B4GALNT4: variants seen among roughly 807,000 people sequenced by gnomAD.
The protein encoded by B4GALNT4 is N-acetyl-beta-glucosaminyl-glycoprotein 4-beta-N-acetylgalactosaminyltransferase 1.
A neutral mutation model predicts 110.0 loss-of-function variants in B4GALNT4; 77 were observed. The ratio of observed to expected loss-of-function variants is 0.70; its 90% confidence interval spans 0.58 to 0.85. The LOEUF (loss-of-function observed/expected upper bound fraction) is 0.85. B4GALNT4 is among the 40% of genes least tolerant of loss of function. The pLI is 0.00. For synonymous variants in B4GALNT4, 785 were observed against 655.5 expected, an observed-to-expected ratio of 1.20 and a Z score of -3.02; for missense variants, 1,575 against 1,506.0, an observed-to-expected ratio of 1.05 and a Z score of -0.76.
rs757140063 is a variant in B4GALNT4 at position 373,410 on chromosome 11, C to CA, written c.637-39_637-38insA. 4.6e-5 allele frequency: 19 copies of CA among 409,482 alleles called. No homozygotes were observed. The African/African-American group carries it at 7.5e-4, about 16-fold the overall frequency. The allele number at this position is 409,482 out of a possible 1,614,324, so 25.4% of individuals were successfully genotyped here. On this transcript the variant is annotated intron_variant, in intron 6 of 19. Transcript: ENST00000329962. ...TGGTGTCCCCAGGGAGAGAGTGAACCCCCCCCCCCACCACCACCCCTGCTC... is the reference window on the plus strand; with the variant it reads ...TGGTGTCCCCAGGGAGAGAGTGAACCACCCCCCCCCACCACCACCCCTGCTC...
rs997353766 is a variant in B4GALNT4, at chr11:381,095, C to T, written c.2996+144C>T. On this transcript the variant is annotated intron_variant, in intron 19 of 19. Coordinates refer to ENST00000329962, the MANE Select transcript of B4GALNT4 (RefSeq NM_178537.5). ...CCCGGTCTTCCCAGTATCCTGTAGGCCTGGAGAGACTCCTCCACCCACATC... is the reference window on the plus strand; with the variant it reads ...CCCGGTCTTCCCAGTATCCTGTAGGTCTGGAGAGACTCCTCCACCCACATC... 6.2e-6 allele frequency: 9 copies of T among 1,453,858 alleles called. No individual in the cohort carries two copies. In the Admixed American group the frequency reaches 1.8e-4, roughly 29 times the overall value. 90.1% of individuals were successfully genotyped at this position (1,453,858 alleles called of 1,614,324 possible). A position where few individuals can be genotyped will look rare whatever the true frequency, so the allele number is the denominator to read the frequency against.
intron 2 of B4GALNT4, 67 bp from the exon 3 acceptor site, chr11:372,595 G>C: frequency 7.6e-7 from 1 of 1,316,990 alleles, no homozygotes; most frequent in South Asian, 1.2e-5. Flanking sequence ...GTGAAGGTTT[G>C]TCTTGGTGTG....
chr11:380,699 C>T (rs1265710428), intron 18 of B4GALNT4, 126 bp from the exon 19 acceptor site: 1 of 1,491,102 alleles, frequency 6.7e-7, no homozygotes, highest in African/African-American at 1.4e-5. Context: ...CCGGACGACT[C>T]CCGGAAGCCC....
Position 379,915 on chromosome 11 carries a change from G to A in B4GALNT4, c.2538G>A (p.Ala846=), listed in dbSNP as rs1449806397. 2 of 1,609,994 alleles carry A rather than the reference G, an allele frequency of 1.2e-6. No individual in the cohort carries two copies. Among genetic ancestry groups the A allele is most frequent in the East Asian group, 2.2e-5 (1 of 44,886 alleles). The change falls in exon 16 of 20, where the codon GCG becomes GCA. Residue 846 remains alanine (A), a synonymous_variant. Coordinates refer to ENST00000329962, the MANE Select transcript of B4GALNT4 (RefSeq NM_178537.5). ...CACAGTTCCTGGCGGACATGGCTGC[G>A]CTGCACGCGCGCACCGGGGACTCGC... ...WVAQFLADMA[A]LHARTGDSRF...
chr11:381,941 G>C lies in B4GALNT4; in HGVS notation c.*149G>C. On this transcript the variant is annotated 3_prime_UTR_variant, in exon 20 of 20. Transcript: ENST00000329962. ...GCCCCTCTCTGGCCCACTGGGCGTC[G>C]TGCCCCTCCCCGGAGAGGCAGCCTT... The C allele has an allele frequency of 1.0e-6, 1 of 974,934 alleles. No homozygotes were observed. Among genetic ancestry groups the C allele is most frequent in the Non-Finnish European group, 1.4e-6 (1 of 718,828 alleles). 60.4% of individuals were successfully genotyped at this position (974,934 alleles called of 1,614,324 possible).
Position 379,986 on chromosome 11 carries a change from T to G in B4GALNT4, c.2609T>G (p.Val870Gly). Reference sequence around the variant, plus strand: ...GATTTCGAGAGCGAGGATATGGACGTGGAGCGGGCCCTGCGCGCCGCGCGC... The same window carrying G: ...GATTTCGAGAGCGAGGATATGGACGGGGAGCGGGCCCTGCGCGCCGCGCGC... ...LVDFESEDMD[V>G]ERALRAARLP... Residue 870 changes from valine to glycine, a missense_variant, in exon 16 of 20, where the codon GTG (valine) becomes GGG (glycine). By Grantham distance (109) the Val-to-Gly change is moderately radical. Coordinates refer to ENST00000329962, the MANE Select transcript of B4GALNT4 (RefSeq NM_178537.5). The G allele has an allele frequency of 6.2e-7, 1 of 1,613,028 alleles. No individual in the cohort carries two copies. The highest frequency in any genetic ancestry group is 8.5e-7 in the Non-Finnish European group (1 of 1,179,832).
chr11:379,359 G>A lies in B4GALNT4; in HGVS notation c.2205-59G>A, dbSNP rs1590342815. ...AGTTTCTGTGGCCAGGGCGGACCAG[G>A]GTTGCGGGCGGGGTGCAGGCTGGAA... On this transcript the variant is annotated intron_variant, in intron 14 of 19. Coordinates refer to ENST00000329962, the MANE Select transcript of B4GALNT4 (RefSeq NM_178537.5). The A allele has an allele frequency of 1.4e-5, 20 of 1,418,974 alleles. No individual in the cohort carries two copies. In the East Asian group the frequency reaches 5.5e-4, roughly 39 times the overall value. 87.9% of individuals were successfully genotyped at this position (1,418,974 alleles called of 1,614,324 possible). A position where few individuals can be genotyped will look rare whatever the true frequency, so the allele number is the denominator to read the frequency against.
In B4GALNT4 at chr11:376,734, C is replaced by T. The variant is rs1846764262; in HGVS notation, c.1611C>T (p.Ser537=). Residue 537 remains serine (S), a synonymous_variant, in exon 14 of 20, where the codon TCC becomes TCT. Transcript: ENST00000329962. Reference sequence around the variant, plus strand: ...GGGTGCGGCCGGGACAGCGGGCATCCCCCCGGGCCCCAGCGCCGCGTGCGC... The same window carrying T: ...GGGTGCGGCCGGGACAGCGGGCATCTCCCCGGGCCCCAGCGCCGCGTGCGC... ...VTRVRPGQRA[S]PRAPAPRAPW... The T allele has an allele frequency of 1.4e-6, 2 of 1,392,714 alleles. No individual in the cohort carries two copies. Among genetic ancestry groups the T allele is most frequent in the Non-Finnish European group, 1.9e-6 (2 of 1,079,312 alleles). The allele number at this position is 1,392,714 out of a possible 1,614,324, so 86.3% of individuals were successfully genotyped here. A position where few individuals can be genotyped will look rare whatever the true frequency, so the allele number is the denominator to read the frequency against.
chr11:376,409 C>T lies in B4GALNT4; in HGVS notation c.1298-12C>T. On this transcript the variant is annotated splice_polypyrimidine_tract_variant and intron_variant, in intron 13 of 19. Transcript: ENST00000329962. Reference sequence around the variant, plus strand: ...ACCTGCGCAGGGAGCTTCTAACCCGCGTTTCCCGCAGACTTCCTGGACGAC... The same window carrying T: ...ACCTGCGCAGGGAGCTTCTAACCCGTGTTTCCCGCAGACTTCCTGGACGAC... The T allele has an allele frequency of 1.2e-6, 2 of 1,601,066 alleles. No homozygotes were observed. The highest frequency in any genetic ancestry group is 1.7e-6 in the Non-Finnish European group (2 of 1,178,054).
chr11:372,098 G>C lies in B4GALNT4; in HGVS notation c.152-11G>C. 1 of 1,547,650 alleles carries C rather than the reference G, an allele frequency of 6.5e-7. No individual in the cohort carries two copies. The highest frequency in any genetic ancestry group is 8.7e-7 in the Non-Finnish European group (1 of 1,145,748). On this transcript the variant is annotated splice_polypyrimidine_tract_variant and intron_variant, in intron 1 of 19. Transcript: ENST00000329962. Reference sequence around the variant, plus strand: ...CCTGGGCCCGAGACAGGCCTCATGTGCCACCTGCAGATGGTGAGAAGCTGA... The same window carrying C: ...CCTGGGCCCGAGACAGGCCTCATGTCCCACCTGCAGATGGTGAGAAGCTGA...
In B4GALNT4 at chr11:380,400, G is replaced by C. The variant is rs1329956412; in HGVS notation, c.2824G>C (p.Val942Leu). 6.2e-7 allele frequency: 1 copy of C among 1,612,396 alleles called. No individual in the cohort carries two copies. The highest frequency in any genetic ancestry group is 1.1e-5 in the South Asian group (1 of 91,014). Residue 942 changes from valine (V) to leucine (L), a missense_variant, in exon 18 of 20, where the codon GTG (valine) becomes CTG (leucine). By Grantham distance (32) the Val-to-Leu change is conservative (BLOSUM62 1). Coordinates refer to ENST00000329962, the MANE Select transcript of B4GALNT4 (RefSeq NM_178537.5). ...GGAGGGCAGGCTGGCCTTCGCGCCCGTGGTCATGCGCCTGAGCTGCGGGAG... is the reference window on the plus strand; with the variant it reads ...GGAGGGCAGGCTGGCCTTCGCGCCCCTGGTCATGCGCCTGAGCTGCGGGAG... The part of the protein sequence containing the change: ...CVEGRLAFAP[V>L]VMRLSCGSSP...
At chr11:373,339 G>A in intron 6 of B4GALNT4, 48 bp downstream of exon 6, 1 of 1,587,532 alleles carries the variant, frequency 6.3e-7, no homozygotes, top group Non-Finnish European at 8.6e-7. Flanking sequence ...CTGCAGCTCA[G>A]TCACCTGTGC....
intron 19 of B4GALNT4, chr11:381,297 C>T (rs981635051): frequency 5.6e-6 from 2 of 355,436 alleles, no homozygotes; most frequent in Non-Finnish European, 7.9e-6. Flanking sequence ...TACTGACCAC[C>T]TCTCCGCCCC....
intron 9 of B4GALNT4, 30 bp from the exon 10 acceptor site, chr11:375,609 G>C: frequency 6.3e-7 from 1 of 1,596,432 alleles, no homozygotes; most frequent in Non-Finnish European, 8.5e-7. Context: ...GAGGGGGTCT[G>C]AGCACTCCCT....
chr11:380,303 C>T lies in B4GALNT4; in HGVS notation c.2727C>T (p.Ser909=), dbSNP rs770889608. 3 of 1,613,188 alleles carry T rather than the reference C, an allele frequency of 1.9e-6. No homozygotes were observed. The highest frequency in any genetic ancestry group is 2.5e-6 in the Non-Finnish European group (3 of 1,179,700). Residue 909 remains serine (S), a synonymous_variant, in exon 18 of 20, where the codon AGC becomes AGT. Transcript: ENST00000329962. ...AGVDAVEDAS[S]IVFLCDLHIH... ...CCCGCACCCCCCAGGACGCCAGCAG[C>T]ATCGTGTTCCTCTGCGACCTGCACA...
At chr11:372,619 C>G (rs767831419) in intron 2 of B4GALNT4, 43 bp from the exon 3 acceptor site, 1 of 1,530,660 alleles carries the variant, frequency 6.5e-7, no homozygotes, top group Non-Finnish European at 9.0e-7. Context: ...GACCTCCTCC[C>G]TGCCCTTCCA....
Position 376,097 on chromosome 11 carries a change from C to T in B4GALNT4, c.1119C>T (p.Pro373=). ...LQFVYLSFVY[P]NDYTRLTHME... ...AGGTGTACCTGTCCTTCGTTTATCC[C>T]AACGACTACACTCGCCTCACCCACA... is the stretch of plus-strand genomic sequence containing the variant. Residue 373 remains proline (P), a synonymous_variant, in exon 12 of 20, where the codon CCC becomes CCT. Coordinates refer to ENST00000329962, the MANE Select transcript of B4GALNT4 (RefSeq NM_178537.5). 2 of 1,611,424 alleles carry T rather than the reference C, an allele frequency of 1.2e-6. No individual in the cohort carries two copies. Among genetic ancestry groups the T allele is most frequent in the Non-Finnish European group, 1.7e-6 (2 of 1,179,102 alleles).
Position 377,305 on chromosome 11 carries a change from C to G in B4GALNT4, c.2182C>G (p.Arg728Gly). Residue 728 changes from arginine (R) to glycine (G), a missense_variant, in exon 14 of 20, where the codon CGG (arginine) becomes GGG (glycine). Coordinates refer to ENST00000329962, the MANE Select transcript of B4GALNT4 (RefSeq NM_178537.5). Reference protein sequence around the residue: ...AVDVTAQYMERLNARHGGRFA... With the variant: ...AVDVTAQYMEGLNARHGGRFA... ...GGACGTGACCGCTCAGTACATGGAG[C>G]GGCTGAACGCGCGCCACGGCGGGTA... 2 of 1,554,436 alleles carry G rather than the reference C, an allele frequency of 1.3e-6. No individual in the cohort carries two copies. The highest frequency in any genetic ancestry group is 2.4e-5 in the South Asian group (2 of 83,778).
At chr11:373,948 C>G in intron 8 of B4GALNT4, 120 bp downstream of exon 8, 1 of 1,023,040 alleles carries the variant, frequency 9.8e-7, no homozygotes, top group East Asian at 2.6e-5. Context: ...GGCCATGGGC[C>G]TGAGGTCAGG....
Sources: gnomAD v4.1 joint callset for allele counts on GRCh38, gnomAD v4.1.1 for gene constraint, MANE v1.5 for transcripts, NCBI Gene and HGNC (gene_info 2026-07-23, HGNC 2026-07-21) for gene names.